The following SCML4 variants were observed in gnomAD, a reference collection of about 807,000 sequenced individuals.
The protein encoded by SCML4 is sex comb on midleg-like protein 4.
SCML4 carries 34 observed loss-of-function variants against 41.1 expected under a neutral mutation model. The observed-to-expected ratio is 0.83, with a 90% confidence interval of 0.63 to 1.10. The LOEUF (loss-of-function observed/expected upper bound fraction) is 1.10, where lower values mean the gene tolerates loss of function less well. SCML4 is among the 50% of genes least tolerant of loss of function. The pLI is 0.00. For synonymous variants in SCML4, 214 were observed against 220.9 expected, an observed-to-expected ratio of 0.97 and a Z score of 0.28; for missense variants, 522 against 534.1, an observed-to-expected ratio of 0.98 and a Z score of 0.22.
chr6:107,808,763 TGTA>T (rs1287508513), intron 1 of SCML4, among the ~76,000 whole-genome samples: 7 of 152,244 alleles, frequency 4.6e-5, no homozygotes, highest in East Asian at 1.9e-4. Flanking sequence ...AATGCATTAA[TGTA>T]GTATGTATAT....
the SCML4 span, among the ~76,000 whole-genome samples, chr6:107,832,062 C>CA: frequency 0.68 from 91,365 of 133,650 alleles, 31,479 homozygotes; most frequent in South Asian, 0.82. Flanking sequence ...GACTCTGTCT[C>CA]AAAAAAAAAA....
At chr6:107,709,868 G>A (rs1221097009) in intron 6 of SCML4, among the ~76,000 whole-genome samples, 3 of 151,950 alleles carry the variant, frequency 2.0e-5, no homozygotes, top group East Asian at 1.9e-4. Flanking sequence ...CCACCATCAC[G>A]CCCAGCTAAT....
intron 1 of SCML4, among the ~76,000 whole-genome samples, chr6:107,797,585 A>G (rs1318187776): frequency 6.6e-6 from 1 of 152,000 alleles, no homozygotes; most frequent in East Asian, 1.9e-4. Flanking sequence ...TAAAAATCAT[A>G]CTTCTTTGCA....
At chr6:107,747,229 C>T (rs368182382) in intron 3 of SCML4, among the ~76,000 whole-genome samples, 22 of 152,286 alleles carry the variant, frequency 1.4e-4, no homozygotes, top group African/African-American at 4.8e-4. Context: ...GGAAAATGTA[C>T]ATACAAAACT....
intron 1 of SCML4, among the ~76,000 whole-genome samples, chr6:107,778,206 AAAAAAAAAAAAAAAAAATATATATATAT>A (rs1488686740): frequency 2.5e-4 from 4 of 15,824 alleles, no homozygotes; most frequent in South Asian, 2.2e-3. Context: ...CAAAAAAAAA[AAAAAAAAAAAAAAAAAATATATATATAT>A]ATATATATAT....
At chr6:107,778,196 C>CAA (rs1171221403) in intron 1 of SCML4, among the ~76,000 whole-genome samples, 34 of 7,586 alleles carry the variant, frequency 4.5e-3, no homozygotes, top group Admixed American at 9.6e-3. Flanking sequence ...GACTCTATCT[C>CAA]AAAAAAAAAA....
intron 5 of SCML4, among the ~76,000 whole-genome samples, chr6:107,736,492 G>T (rs1245961298): frequency 6.6e-6 from 1 of 152,194 alleles, no homozygotes; most frequent in Admixed American, 6.5e-5. Flanking sequence ...TTTCCTCCCT[G>T]CTGCTATCTT....
intron 1 of SCML4, among the ~76,000 whole-genome samples, chr6:107,823,350 C>A (rs1452592729): frequency 1.3e-5 from 2 of 152,206 alleles, no homozygotes; most frequent in Non-Finnish European, 2.9e-5. Flanking sequence ...TCATCCACCG[C>A]TCCTGTCCAG....
intron 6 of SCML4, 92 bp from the exon 7 acceptor site, chr6:107,708,103 G>C: frequency 7.0e-7 from 1 of 1,436,430 alleles, no homozygotes; most frequent in Non-Finnish European, 9.3e-7. Context: ...CCTGGAAGGG[G>C]GATCCTCAGT....
intron 5 of SCML4, among the ~76,000 whole-genome samples, chr6:107,740,573 G>A (rs921679402): frequency 6.6e-6 from 1 of 152,164 alleles, no homozygotes; most frequent in Admixed American, 6.5e-5. Flanking sequence ...GACCAGATGT[G>A]GGCCATCAGA....
intron 1 of SCML4, among the ~76,000 whole-genome samples, chr6:107,812,834 T>C (rs1288532894): frequency 6.6e-6 from 1 of 150,692 alleles, no homozygotes; most frequent in East Asian, 2.0e-4. Context: ...GCCTCCATAA[T>C]CATTTGACCA....
chr6:107,789,085 C>G (rs1029184555), intron 1 of SCML4, among the ~76,000 whole-genome samples: 9 of 152,332 alleles, frequency 5.9e-5, no homozygotes, highest in Non-Finnish European at 1.3e-4. Flanking sequence ...GCCCATGTCC[C>G]TCAGTGGCCA....
the SCML4 span, among the ~76,000 whole-genome samples, chr6:107,839,397 G>T: frequency 7.4e-6 from 1 of 135,158 alleles, no homozygotes; most frequent in African/African-American, 2.9e-5. Flanking sequence ...AAGAAAGAAA[G>T]AAAGAAAGAA....
chr6:107,799,446 A>G (rs1782943371), intron 1 of SCML4, among the ~76,000 whole-genome samples: 2 of 152,128 alleles, frequency 1.3e-5, no homozygotes, highest in Admixed American at 6.5e-5. Context: ...ACTACCTGCA[A>G]TTTTATATAA....
the SCML4 span, among the ~76,000 whole-genome samples, chr6:107,834,122 C>CT: frequency 6.6e-6 from 1 of 152,080 alleles, no homozygotes; most frequent in African/African-American, 2.4e-5. Flanking sequence ...GAAACTGGGC[C>CT]TTTTTTCAAG....
chr6:107,743,409 T>C lies in SCML4; in HGVS notation c.682+1540A>G, dbSNP rs143407424. 1.1e-4 allele frequency among the ~76,000 whole-genome samples: 16 copies of C among 152,336 alleles called. No homozygotes were observed. In the East Asian group the frequency reaches 2.5e-3, roughly 24 times the overall value. Reference sequence around the variant, plus strand: ...CTTTATGATGATGTCCCATGGGTCATTGTGTGTTCAATGTAACAATGAGGC... The same window carrying C: ...CTTTATGATGATGTCCCATGGGTCACTGTGTGTTCAATGTAACAATGAGGC... On this transcript the variant is annotated intron_variant, in intron 5 of 7. Transcript: ENST00000369020.
intron 1 of SCML4, among the ~76,000 whole-genome samples, chr6:107,790,862 G>T (rs1261570614): frequency 6.6e-6 from 1 of 152,138 alleles, no homozygotes; most frequent in African/African-American, 2.4e-5. Flanking sequence ...GGGAGGTCAG[G>T]AGTTCGAGAC....
At chr6:107,803,495 C>A (rs1783450257) in intron 1 of SCML4, among the ~76,000 whole-genome samples, 2 of 149,628 alleles carry the variant, frequency 1.3e-5, no homozygotes, top group African/African-American at 4.9e-5. Flanking sequence ...CCCGGCCGCC[C>A]CTACTGGGAA....
At chr6:107,718,332 A>G (rs1033802204) in intron 6 of SCML4, 6 of 153,422 alleles carry the variant, frequency 3.9e-5, no homozygotes, top group Non-Finnish European at 8.7e-5. Context: ...ACCTGTCACC[A>G]TGTAAGACGT....
Sources: allele counts gnomAD v4.1 joint callset (sites outside exome capture counted in the v4.1 genomes callset), GRCh38; gene constraint gnomAD v4.1.1; transcripts MANE v1.5; gene names NCBI Gene and HGNC (gene_info 2026-07-23, HGNC 2026-07-21).